The following FBXO11 variants were observed in gnomAD, a reference collection of about 807,000 sequenced individuals.
FBXO11 encodes the protein F-box only protein 11.
A neutral mutation model predicts 117.0 loss-of-function variants in FBXO11; 13 were observed. The ratio of observed to expected loss-of-function variants is 0.11; its 90% confidence interval spans 0.07 to 0.18. The LOEUF is 0.18. FBXO11 is among the 10% of genes least tolerant of loss of function. The probability of loss-of-function intolerance (pLI) is 1.00; values close to 1 mark genes in which losing one functional copy is unlikely to be tolerated. For missense variants in FBXO11, 767 were observed against 1,164.4 expected, an observed-to-expected ratio of 0.66 and a Z score of 4.97; for synonymous variants, 490 against 380.5, an observed-to-expected ratio of 1.29 and a Z score of -3.35.
chr2:47,811,453 G>C (rs1212212920), intron 18 of FBXO11: 3 of 152,198 alleles, frequency 2.0e-5, no homozygotes. Context: ...GACCTCAAAT[G>C]ATCCACCCAC....
Position 47,809,602 on chromosome 2 carries a change from T to C in FBXO11, c.2444A>G (p.Lys815Arg). ...AGGTATAGCAGACTCCAACATACCT[T>C]TCATTGTCACATTAACACCAGATGC... ...FLASGVNVTM[K>R]DNKIMNNQDA... Residue 815 changes from lysine to arginine, a missense_variant and splice_region_variant, in exon 20 of 23, where the codon AAA becomes AGA. Around this residue, in one of 10 missense-constraint regions of FBXO11, gnomAD observed 66 missense variants for 82.7 expected, o/e 0.80. Transcript: ENST00000403359. 2 of 1,608,802 alleles carry C rather than the reference T, an allele frequency of 1.2e-6. No individual in the cohort carries two copies. The highest frequency in any genetic ancestry group is 1.7e-6 in the Non-Finnish European group (2 of 1,175,774).
At chr2:47,823,764 A>T (rs116355564) in intron 11 of FBXO11, among the ~76,000 whole-genome samples, 2,139 of 148,838 alleles carry the variant, frequency 0.014, 45 homozygotes, top group Admixed American at 0.064. Context: ...AAAAAAAATT[A>T]AAAAAAAAGT....
intron 1 of FBXO11, among the ~76,000 whole-genome samples, chr2:47,894,283 T>G (rs975391521): frequency 3.3e-5 from 5 of 152,212 alleles, no homozygotes; most frequent in Admixed American, 2.0e-4. Flanking sequence ...CCCATTTTTC[T>G]GTGAAAGTTT....
chr2:47,905,410 GCCCGCCCGCCCGCCCGC>G, intron 1 of FBXO11, 62 bp downstream of exon 1: 1 of 776,162 alleles, frequency 1.3e-6, no homozygotes, highest in South Asian at 5.2e-5. Context: ...GCCCCCGCCC[GCCCGCCCGCCCGCCCGC>G]CCCGGCCTCC....
At chr2:47,860,528 AGCAT>A (rs891343500) in intron 1 of FBXO11, among the ~76,000 whole-genome samples, 5 of 150,954 alleles carry the variant, frequency 3.3e-5, no homozygotes, top group African/African-American at 1.2e-4. Context: ...CTCCTGCCTT[AGCAT>A]CCCAAGTAGC....
intron 1 of FBXO11, among the ~76,000 whole-genome samples, chr2:47,870,211 C>T (rs908116989): frequency 6.6e-6 from 1 of 152,184 alleles, no homozygotes; most frequent in Non-Finnish European, 1.5e-5. Flanking sequence ...CCCTAATACA[C>T]ATGGATTTTT....
intron 1 of FBXO11, among the ~76,000 whole-genome samples, chr2:47,847,856 T>C (rs557233962): frequency 2.7e-5 from 4 of 150,636 alleles, no homozygotes; most frequent in Non-Finnish European, 5.9e-5. Flanking sequence ...CCAGGCACAG[T>C]GCTCATGCCT....
At chr2:47,881,001 T>G (rs1247017091) in intron 1 of FBXO11, among the ~76,000 whole-genome samples, 1 of 152,202 alleles carries the variant, frequency 6.6e-6, no homozygotes, top group African/African-American at 2.4e-5. Flanking sequence ...ACACCTGTAA[T>G]CCCAGCACTT....
rs138988705 is a variant in FBXO11 at position 47,872,348 on chromosome 2, C to A, written c.233-32579G>T. Among the ~76,000 whole-genome samples the A allele has an allele frequency of 9.8e-5, 15 of 152,292 alleles. No homozygotes were observed. In the East Asian group the frequency reaches 2.7e-3, roughly 27 times the overall value. ...TATTGTATAATTTGTGTGCGTGAGA[C>A]AGTTTCGCTCCTGTTGCACAGGCTG... On this transcript the variant is annotated intron_variant, in intron 1 of 22. Coordinates refer to ENST00000403359, the MANE Select transcript of FBXO11 (RefSeq NM_001190274.2).
rs1678746584 is a variant in FBXO11, at chr2:47,905,619, CTGCGGCGGCGGCTGCTGCGGG to C, written c.81_101del (p.Gln29_Pro35del). The C allele has an allele frequency of 7.3e-7, 1 of 1,374,416 alleles. No individual in the cohort carries two copies. Among genetic ancestry groups the C allele is most frequent in the Non-Finnish European group, 9.4e-7 (1 of 1,062,064 alleles). 85.1% of individuals were successfully genotyped at this position (1,374,416 alleles called of 1,614,324 possible). ...GCTGGGGCGGCTGCTGCTGGGGCGG[CTGCGGCGGCGGCTGCTGCGGG>C]GGCTGCTGCTGCTGTTGCTGCACCG... On this transcript the variant is annotated inframe_deletion, in exon 1 of 23. Transcript: ENST00000403359.
chr2:47,875,679 T>G (rs1449500282), intron 1 of FBXO11, among the ~76,000 whole-genome samples: 1 of 152,152 alleles, frequency 6.6e-6, no homozygotes, highest in Non-Finnish European at 1.5e-5. Context: ...TTTTTTAAAA[T>G]AAATTTTCTC....
At chr2:47,878,861 C>A (rs1676216331) in intron 1 of FBXO11, among the ~76,000 whole-genome samples, 1 of 151,934 alleles carries the variant, frequency 6.6e-6, no homozygotes, top group South Asian at 2.1e-4. Flanking sequence ...TGCCTGTAAT[C>A]CCGGCTACTC....
chr2:47,891,861 G>A (rs1160795878), intron 1 of FBXO11, among the ~76,000 whole-genome samples: 1 of 152,076 alleles, frequency 6.6e-6, no homozygotes, highest in Non-Finnish European at 1.5e-5. Context: ...GCATTTCCCT[G>A]ATGATTAATG....
chr2:47,816,322 G>A (rs1671005582), intron 16 of FBXO11, among the ~76,000 whole-genome samples: 2 of 152,120 alleles, frequency 1.3e-5, no homozygotes, highest in African/African-American at 2.4e-5. Context: ...TGGGACCACA[G>A]GCGCATGCCA....
In FBXO11 at chr2:47,850,153, G is replaced by A. The variant is rs75485319; in HGVS notation, c.233-10384C>T. Among the ~76,000 whole-genome samples the A allele has an allele frequency of 1.1e-4, 16 of 152,258 alleles. No homozygotes were observed. In the East Asian group the frequency reaches 2.9e-3, roughly 28 times the overall value. ...TAAAGCTCATAAAACTTGATGAGTG[G>A]GTATGGTGGGCTGGGGGTGGAGAAG... On this transcript the variant is annotated intron_variant, in intron 1 of 22. Coordinates refer to ENST00000403359, the MANE Select transcript of FBXO11 (RefSeq NM_001190274.2).
chr2:47,860,108 G>GT (rs1674638590), intron 1 of FBXO11, among the ~76,000 whole-genome samples: 2 of 152,140 alleles, frequency 1.3e-5, no homozygotes, highest in African/African-American at 2.4e-5. Flanking sequence ...AGCTTAAGAG[G>GT]TTTTTTCCAA....
chr2:47,820,418 A>C lies in FBXO11; in HGVS notation c.1741T>G (p.Cys581Gly). ...LAGIQIRTNS[C>G]PIVRHNKIHD... ...ATTTTGTTATGCCGAACAATTGGACAACTGTTTGTCCTAATTTGAATTCCT... is the reference window on the plus strand; with the variant it reads ...ATTTTGTTATGCCGAACAATTGGACCACTGTTTGTCCTAATTTGAATTCCT... The change falls in exon 14 of 23, where the codon TGT (cysteine) becomes GGT (glycine). Residue 581 changes from cysteine (C) to glycine (G), a missense_variant. Transcript: ENST00000403359. 6.2e-7 allele frequency: 1 copy of C among 1,613,964 alleles called. No homozygotes were observed. Among genetic ancestry groups the C allele is most frequent in the Non-Finnish European group, 8.5e-7 (1 of 1,179,972 alleles).
intron 21 of FBXO11, chr2:47,808,907 G>A (rs1558400054): frequency 2.9e-6 from 1 of 350,714 alleles, no homozygotes; most frequent in South Asian, 5.6e-5. Flanking sequence ...ATGTTGCCCA[G>A]GCTGGTTTAG....
intron 1 of FBXO11, among the ~76,000 whole-genome samples, chr2:47,848,477 A>G (rs1455698381): frequency 6.6e-6 from 1 of 152,236 alleles, no homozygotes; most frequent in Admixed American, 6.5e-5. Flanking sequence ...AGTCCGTGGA[A>G]AAACTGTCTT....
Sources: gnomAD v4.1 joint callset for allele counts (sites outside exome capture counted in the v4.1 genomes callset) on GRCh38, gnomAD v4.1.1 for gene constraint, gnomAD v4.1.1 regional missense constraint, MANE v1.5 for transcripts, NCBI Gene and HGNC (gene_info 2026-07-23, HGNC 2026-07-21) for gene names.